Variants in TNRC6B observed in about 807,000 individuals in gnomAD.
The protein encoded by TNRC6B is trinucleotide repeat-containing gene 6B protein.
A neutral mutation model predicts 203.6 loss-of-function variants in TNRC6B; 52 were observed. The ratio of observed to expected loss-of-function variants is 0.26; its 90% confidence interval spans 0.20 to 0.32. The LOEUF is 0.32. Ranked by LOEUF, TNRC6B falls within the 10% of genes least tolerant of loss-of-function variation. The pLI is 1.00. For missense variants in TNRC6B, 1,923 were observed against 2,286.2 expected (o/e 0.84, Z 3.24); for synonymous variants, 838 against 845.7 (o/e 0.99, Z 0.16).
At chr22:40,141,730 G>A (rs1306953031) in intron 3 of TNRC6B, among the ~76,000 whole-genome samples, 1 of 151,938 alleles carries the variant, frequency 6.6e-6, no homozygotes, top group African/African-American at 2.4e-5. Flanking sequence ...AGAAAATAGA[G>A]ATCCCAGGTC....
At chr22:40,152,613 C>T (rs1304634145) in intron 3 of TNRC6B, among the ~76,000 whole-genome samples, 3 of 152,002 alleles carry the variant, frequency 2.0e-5, no homozygotes, top group Admixed American at 6.6e-5. Flanking sequence ...CAGGCGTGAG[C>T]CATCGCACCC....
intron 1 of TNRC6B, among the ~76,000 whole-genome samples, chr22:40,239,799 T>C (rs1458595308): frequency 6.6e-6 from 1 of 152,170 alleles, no homozygotes; most frequent in Non-Finnish European, 1.5e-5. Context: ...TGCCTCAGCT[T>C]AAGTGAATAT....
At chr22:40,062,315 C>T (rs911039860) in intron 1 of TNRC6B, among the ~76,000 whole-genome samples, 4 of 152,036 alleles carry the variant, frequency 2.6e-5, no homozygotes, top group Non-Finnish European at 5.9e-5. Context: ...GTTCTCCTGC[C>T]TTAGCCTCCT....
At position 40,332,107 on chromosome 22, in the gene TNRC6B, A is replaced by G. The variant is rs767981454; in HGVS notation, c.*8866A>G. On this transcript the variant is annotated 3_prime_UTR_variant, in exon 23 of 23. Coordinates refer to ENST00000454349, the MANE Select transcript of TNRC6B (RefSeq NM_001162501.2). ...CAGAGCCCTTCAAGCTCAGGAAACC[A>G]CGCTTCACTCGTGCTGACCTGAAAG... The G allele has an allele frequency of 6.4e-5, 10 of 155,548 alleles. No homozygotes were observed. Among genetic ancestry groups the G allele is most frequent in the South Asian group, 2.1e-4 (1 of 4,844 alleles). The allele number at this position is 155,548 out of a possible 1,614,324, so 9.6% of individuals were successfully genotyped here. A position where few individuals can be genotyped will look rare whatever the true frequency, so the allele number is the denominator to read the frequency against.
At chr22:40,229,156 C>A (rs925527341) in intron 1 of TNRC6B, among the ~76,000 whole-genome samples, 1 of 152,072 alleles carries the variant, frequency 6.6e-6, no homozygotes, top group African/African-American at 2.4e-5. Context: ...TACAGCACTC[C>A]GGAGAATTAA....
intron 1 of TNRC6B, among the ~76,000 whole-genome samples, chr22:40,074,248 A>G (rs112477014): frequency 7.9e-5 from 12 of 151,230 alleles, no homozygotes; most frequent in African/African-American, 1.7e-4. Context: ...AAAAAAAAAA[A>G]AAAAGAAAAG....
At chr22:40,138,489 T>C (rs2068619217) in intron 3 of TNRC6B, among the ~76,000 whole-genome samples, 1 of 152,088 alleles carries the variant, frequency 6.6e-6, no homozygotes, top group Non-Finnish European at 1.5e-5. Context: ...TGGTCTCGAA[T>C]TCCTGACCTC....
chr22:40,258,071 CTTTTTT>C (rs56078653), intron 3 of TNRC6B, among the ~76,000 whole-genome samples: 10 of 28,698 alleles, frequency 3.5e-4, no homozygotes, highest in Non-Finnish European at 5.8e-4. Context: ...GATACACAGC[CTTTTTT>C]TTTTTTTTTT....
chr22:40,189,498 C>CAAAAAAA (rs56029573), intron 1 of TNRC6B, among the ~76,000 whole-genome samples: 5 of 112,280 alleles, frequency 4.5e-5, no homozygotes, highest in African/African-American at 1.4e-4. Context: ...TTTGTCTGCC[C>CAAAAAAA]AAAAAAAAAA....
intron 15 of TNRC6B, 187 bp downstream of exon 15, chr22:40,301,520 C>G: frequency 1.6e-6 from 1 of 635,476 alleles, no homozygotes; most frequent in Non-Finnish European, 2.7e-6. Flanking sequence ...GAGCTCACCA[C>G]ATGGTTACTA....
chr22:40,292,592 T>G (rs2070882951), intron 12 of TNRC6B, among the ~76,000 whole-genome samples: 1 of 152,174 alleles, frequency 6.6e-6, no homozygotes, highest in Admixed American at 6.5e-5. Flanking sequence ...AGCAGGAGAT[T>G]GAAGGGCTTT....
intron 1 of TNRC6B, among the ~76,000 whole-genome samples, chr22:40,059,892 G>A (rs1186525915): frequency 6.9e-6 from 1 of 145,044 alleles, no homozygotes; most frequent in East Asian, 2.0e-4. Flanking sequence ...GTGCAGTCTC[G>A]GCTCACTGCA....
chr22:40,262,184 C>T lies in TNRC6B; in HGVS notation c.457+11C>T, dbSNP rs777725263. 2 of 1,367,620 alleles carry T rather than the reference C, an allele frequency of 1.5e-6. No individual in the cohort carries two copies. The highest frequency in any genetic ancestry group is 1.9e-6 in the Non-Finnish European group (2 of 1,044,698). The allele number at this position is 1,367,620 out of a possible 1,614,324, so 84.7% of individuals were successfully genotyped here. A position where few individuals can be genotyped will look rare whatever the true frequency, so the allele number is the denominator to read the frequency against. On this transcript the variant is annotated intron_variant, in intron 4 of 22. Transcript: ENST00000454349. ...GTGGGACTGCGCCAGGTAAGGCACC[C>T]TGTGAATCGAATGCATGGCAGCTTG...
At chr22:40,168,061 T>C (rs2068936785) in intron 4 of TNRC6B, among the ~76,000 whole-genome samples, 2 of 152,180 alleles carry the variant, frequency 1.3e-5, no homozygotes, top group Admixed American at 1.3e-4. Flanking sequence ...TAAGCCGTAG[T>C]GCCTCCATTT....
intron 1 of TNRC6B, among the ~76,000 whole-genome samples, chr22:40,097,092 C>G (rs941389684): frequency 6.6e-6 from 1 of 152,180 alleles, no homozygotes; most frequent in African/African-American, 2.4e-5. Context: ...GGTGGCATAG[C>G]TGAACCATCC....
chr22:40,145,484 G>C (rs1315544200), intron 3 of TNRC6B, among the ~76,000 whole-genome samples: 1 of 152,068 alleles, frequency 6.6e-6, no homozygotes, highest in African/African-American at 2.4e-5. Flanking sequence ...TGCAGTAGAG[G>C]GTGTGGTTGG....
intron 1 of TNRC6B, among the ~76,000 whole-genome samples, chr22:40,053,790 C>G (rs945779746): frequency 6.6e-6 from 1 of 152,202 alleles, no homozygotes; most frequent in Non-Finnish European, 1.5e-5. Context: ...GTAGGAACTT[C>G]TCTACTTCAG....
At chr22:40,154,207 T>A (rs2068789036) in intron 3 of TNRC6B, among the ~76,000 whole-genome samples, 2 of 152,178 alleles carry the variant, frequency 1.3e-5, no homozygotes, top group Non-Finnish European at 2.9e-5. Context: ...CTCACTGCTG[T>A]AATCCCAGCA....
At chr22:40,169,133 T>A (rs1048919446) in intron 4 of TNRC6B, among the ~76,000 whole-genome samples, 1 of 145,764 alleles carries the variant, frequency 6.9e-6, no homozygotes, top group Non-Finnish European at 1.5e-5. Context: ...GAATCTTCTT[T>A]TTTTTTTTTT....
Sources: allele counts gnomAD v4.1 joint callset (sites outside exome capture counted in the v4.1 genomes callset), GRCh38; gene constraint gnomAD v4.1.1; transcripts MANE v1.5; gene names NCBI Gene and HGNC (gene_info 2026-07-23, HGNC 2026-07-21).